ARHGEF12: variants seen among roughly 807,000 people sequenced by gnomAD.
ARHGEF12 encodes KMT2A/ARHGEF12 fusion protein.
ARHGEF12 carries 66 observed loss-of-function variants against 211.2 expected under a neutral mutation model. The observed-to-expected ratio is 0.31, with a 90% CI of 0.26 to 0.38. The LOEUF (loss-of-function observed/expected upper bound fraction) is 0.38. Ranked by LOEUF, ARHGEF12 falls within the 10% of genes least tolerant of loss-of-function variation. ARHGEF12 has a pLI of 1.00. For synonymous variants in ARHGEF12, 592 were observed against 638.4 expected, an observed-to-expected ratio of 0.93 and a Z score of 1.09; for missense variants, 1,429 against 1,869.5, an observed-to-expected ratio of 0.76 and a Z score of 4.34.
chr11:120,337,182 G>C lies in ARHGEF12; in HGVS notation c.-62G>C. The C allele has an allele frequency of 6.2e-7, 1 of 1,601,068 alleles. No individual in the cohort carries two copies. The highest frequency in any genetic ancestry group is 8.6e-7 in the Non-Finnish European group (1 of 1,168,124). ...CCTGATCCCAGAGCACTGGGGGTGG[G>C]GAGGAGGTGTTACTGTAAAATGCAA... On this transcript the variant is annotated 5_prime_UTR_variant, in exon 1 of 41. Transcript: ENST00000397843.
At chr11:120,456,377 T>C (rs1436457132) in intron 22 of ARHGEF12, among the ~76,000 whole-genome samples, 2 of 152,114 alleles carry the variant, frequency 1.3e-5, no homozygotes, top group South Asian at 4.1e-4. Flanking sequence ...TAAATTTAGG[T>C]AGTAACTAAT....
At chr11:120,433,684 C>T (rs970593910) in intron 11 of ARHGEF12, among the ~76,000 whole-genome samples, 3 of 152,060 alleles carry the variant, frequency 2.0e-5, no homozygotes, top group African/African-American at 7.2e-5. Context: ...GGCTGGGCGC[C>T]GTGGATCACG....
At chr11:120,383,858 G>T (rs191193893) in intron 1 of ARHGEF12, among the ~76,000 whole-genome samples, 8 of 152,198 alleles carry the variant, frequency 5.3e-5, no homozygotes, top group Admixed American at 5.2e-4. Context: ...GATTTTGTTA[G>T]ATATGTCACA....
At chr11:120,457,928 G>A in intron 24 of ARHGEF12, 152 bp from the exon 25 acceptor site, 9 of 1,138,798 alleles carry the variant, frequency 7.9e-6, no homozygotes, top group South Asian at 1.5e-5. Flanking sequence ...TTTGAAGTAT[G>A]TATAAAACAG....
chr11:120,439,495 ACT>A (rs1945800523), intron 12 of ARHGEF12: 4 of 152,264 alleles, frequency 2.6e-5, no homozygotes, highest in African/African-American at 9.7e-5. Flanking sequence ...ACAGCCAAGA[ACT>A]CTCTGGCGCA....
At chr11:120,384,319 G>C (rs1163137425) in intron 1 of ARHGEF12, among the ~76,000 whole-genome samples, 1 of 152,186 alleles carries the variant, frequency 6.6e-6, no homozygotes, top group East Asian at 1.9e-4. Context: ...TATGTGGATA[G>C]AGTGATTACT....
intron 1 of ARHGEF12, among the ~76,000 whole-genome samples, chr11:120,384,878 ATTTTT>A (rs36027339): frequency 7.3e-6 from 1 of 137,680 alleles, no homozygotes; most frequent in Non-Finnish European, 1.6e-5. Flanking sequence ...ACAAAAGGAG[ATTTTT>A]TTTTTTTTTT....
chr11:120,467,130 A>G (rs1315384656), intron 28 of ARHGEF12, 64 bp from the exon 29 acceptor site: 2 of 1,065,864 alleles, frequency 1.9e-6, no homozygotes, highest in Non-Finnish European at 2.9e-6. Context: ...CTCACGGTGA[A>G]TACATGGTAC....
chr11:120,337,235 A>G lies in ARHGEF12; in HGVS notation c.-9A>G, dbSNP rs752013308. Reference sequence around the variant, plus strand: ...TGGATAAAAGGAGGACCTCTCGCCAAGGGCCCCAATGAGTGGCACACAGTC... The same window carrying G: ...TGGATAAAAGGAGGACCTCTCGCCAGGGGCCCCAATGAGTGGCACACAGTC... On this transcript the variant is annotated 5_prime_UTR_variant, in exon 1 of 41. Transcript: ENST00000397843. 9 of 1,614,168 alleles carry G rather than the reference A, an allele frequency of 5.6e-6. No individual in the cohort carries two copies. Among genetic ancestry groups the G allele is most frequent in the Non-Finnish European group, 6.8e-6 (8 of 1,180,024 alleles).
intron 15 of ARHGEF12, among the ~76,000 whole-genome samples, 160 bp downstream of exon 15, chr11:120,442,362 A>G (rs948985896): frequency 1.4e-5 from 2 of 139,482 alleles, no homozygotes; most frequent in Non-Finnish European, 3.1e-5. Flanking sequence ...TTTTTTTATC[A>G]TTTCTAAAGT....
intron 1 of ARHGEF12, among the ~76,000 whole-genome samples, chr11:120,344,265 CAAAAAAAAAAAAAA>C (rs71473103): frequency 9.4e-5 from 5 of 53,014 alleles, no homozygotes; most frequent in Non-Finnish European, 1.7e-4. Flanking sequence ...GACTCCGTCT[CAAAAAAAAAAAAAA>C]AAAAAAAAAA....
chr11:120,442,462 A>G (rs1945905759), intron 15 of ARHGEF12, among the ~76,000 whole-genome samples: 1 of 144,144 alleles, frequency 6.9e-6, no homozygotes, highest in African/African-American at 2.5e-5. Context: ...ACACATATAT[A>G]TACACACACA....
Position 120,469,381 on chromosome 11 carries a change from ACAAG to A in ARHGEF12, c.2951_2954del (p.Lys984SerfsTer3). 6.2e-7 allele frequency: 1 copy of A among 1,611,266 alleles called. No individual in the cohort carries two copies. The highest frequency in any genetic ancestry group is 8.5e-7 in the Non-Finnish European group (1 of 1,178,424). The stretch of plus-strand genomic sequence containing the variant: ...AATCAGGCTGTCAAGGAGGCAGAAA[ACAAG>A]CAGGTAAAAAAGGAAAACAAGAAGG... On this transcript the variant is annotated frameshift_variant, in exon 30 of 41. Transcript: ENST00000397843. LOFTEE classifies it high-confidence loss of function.
intron 7 of ARHGEF12, among the ~76,000 whole-genome samples, chr11:120,426,686 G>C (rs745367533): frequency 1.3e-5 from 2 of 152,170 alleles, no homozygotes; most frequent in African/African-American, 2.4e-5. Context: ...TAACACTTGT[G>C]AGTATTATAC....
In ARHGEF12 at chr11:120,446,798, C is replaced by G. The variant is rs1036794439; in HGVS notation, c.1452-150C>G. 51 of 946,298 alleles carry G rather than the reference C, an allele frequency of 5.4e-5. No individual in the cohort carries two copies. The Admixed American group carries it at 8.2e-4, about 15-fold the overall frequency. 58.6% of individuals were successfully genotyped at this position (946,298 alleles called of 1,614,324 possible). A position where few individuals can be genotyped will look rare whatever the true frequency, so the allele number is the denominator to read the frequency against. On this transcript the variant is annotated intron_variant, in intron 17 of 40. Transcript: ENST00000397843. ...GTCATTGCTTCTAGAATTTTTTCCT[C>G]TGGTATCCTAGATGACATGGACCCA...
intron 1 of ARHGEF12, among the ~76,000 whole-genome samples, chr11:120,395,037 A>G (rs976679194): frequency 6.8e-6 from 1 of 148,010 alleles, no homozygotes; most frequent in African/African-American, 2.5e-5. Context: ...ATCCTGCCCA[A>G]CAGAGCAAGA....
rs1944756268 is a variant in ARHGEF12, at chr11:120,407,806, A to G, written c.125A>G (p.His42Arg). The change falls in exon 3 of 41, where the codon CAT becomes CGT. Residue 42 changes from histidine to arginine, a missense_variant. Transcript: ENST00000397843. ...CAGAAAGTTGAGCGCATTGCATCAC[A>G]TGATTTTGACCCCACAGGTAAAACA... ...KKQKVERIAS[H>R]DFDPTDSSSK... is the part of the protein sequence containing the mutation. 6.2e-7 allele frequency: 1 copy of G among 1,613,654 alleles called. No individual in the cohort carries two copies. Among genetic ancestry groups the G allele is most frequent in the Non-Finnish European group, 8.5e-7 (1 of 1,179,752 alleles).
At chr11:120,337,798 C>G (rs1159176836) in intron 1 of ARHGEF12, 1 of 985,222 alleles carries the variant, frequency 1.0e-6, no homozygotes, top group African/African-American at 1.7e-5. Context: ...TAATAACTTT[C>G]CAGAATGTTG....
chr11:120,442,520 A>G (rs902017903), intron 15 of ARHGEF12, among the ~76,000 whole-genome samples: 2 of 151,948 alleles, frequency 1.3e-5, no homozygotes, highest in East Asian at 3.9e-4. Context: ...TAGAGTGAGG[A>G]AATGAAAAAG....
Sources: allele counts gnomAD v4.1 joint callset (sites outside exome capture counted in the v4.1 genomes callset), GRCh38; gene constraint gnomAD v4.1.1; transcripts MANE v1.5; gene names NCBI Gene and HGNC (gene_info 2026-07-23, HGNC 2026-07-21).